Variants in RPS6KA6 observed in about 807,000 individuals in gnomAD.
RPS6KA6 encodes the protein ribosomal protein S6 kinase A6, also known as ribosomal protein S6 kinase alpha-6.
RPS6KA6 carries 27 observed loss-of-function variants against 65.4 expected under a neutral mutation model. The observed-to-expected ratio is 0.41, with a 90% CI of 0.30 to 0.57. The LOEUF is 0.57. RPS6KA6 is among the 20% of genes least tolerant of loss of function. The probability of loss-of-function intolerance (pLI) is 0.24; values close to 1 mark genes in which losing one functional copy is unlikely to be tolerated. For synonymous variants in RPS6KA6, 190 were observed against 184.2 expected (o/e 1.03, Z -0.26); for missense variants, 486 against 555.6 (o/e 0.87, Z 1.26).
In RPS6KA6 at chrX:84,089,802, C is replaced by T. The variant is rs149378490; in HGVS notation, c.1971+6392G>A. On this transcript the variant is annotated intron_variant, in intron 20 of 21. Coordinates refer to ENST00000262752, the MANE Select transcript of RPS6KA6 (RefSeq NM_014496.5). ...TGTCTGCCTAGTCAGTCCCAATACA[C>T]GAAACTGTATATTTCAGTTGAAGGT... is the stretch of plus-strand genomic sequence containing the variant. Among the ~76,000 whole-genome samples the T allele has an allele frequency of 1.4e-3, 158 of 111,674 alleles. 1 individual carries two copies. Among genetic ancestry groups the T allele is most frequent in the African/African-American group, 4.9e-3 (151 of 30,685 alleles).
At chrX:84,168,356 CAT>C (rs750201635) in intron 1 of RPS6KA6, among the ~76,000 whole-genome samples, 40 of 111,623 alleles carry the variant, frequency 3.6e-4, no homozygotes, top group African/African-American at 5.5e-4. Context: ...GACATTTCCA[CAT>C]GTTTATCTCA....
intron 20 of RPS6KA6, among the ~76,000 whole-genome samples, chrX:84,068,394 C>T (rs185691522): frequency 9.0e-6 from 1 of 111,703 alleles, no homozygotes; most frequent in Non-Finnish European, 1.9e-5. Context: ...TGCTAAAAAC[C>T]GCCATAAACT....
chrX:84,141,254 A>T (rs2035097180), intron 6 of RPS6KA6, among the ~76,000 whole-genome samples: 1 of 111,037 alleles, frequency 9.0e-6, no homozygotes, highest in Non-Finnish European at 1.9e-5. Context: ...TTTATTTACA[A>T]AGAAAAATAA....
At chrX:84,067,514 G>T (rs2033431494) in intron 20 of RPS6KA6, among the ~76,000 whole-genome samples, 1 of 111,637 alleles carries the variant, frequency 9.0e-6, no homozygotes, top group Non-Finnish European at 1.9e-5. Flanking sequence ...TCAAGTAGAA[G>T]AAATGATATC....
intron 8 of RPS6KA6, among the ~76,000 whole-genome samples, chrX:84,125,908 G>C (rs990301542): frequency 2.7e-5 from 3 of 110,837 alleles, no homozygotes; most frequent in African/African-American, 9.9e-5. Context: ...CAGCACCACA[G>C]AAAATCACCT....
Position 84,064,379 on chromosome X carries a change from A to G in RPS6KA6, c.2136T>C (p.Ser712=). Residue 712 remains serine (S), a synonymous_variant, in exon 22 of 22, where the codon TCT becomes TCC. Transcript: ENST00000262752. ...GTTGAAAGGTCTTGTGAGTCAGGGCAGAGTATGTTGCAACCATTGCTCCCT... is the reference window on the plus strand; with the variant it reads ...GTTGAAAGGTCTTGTGAGTCAGGGCGGAGTATGTTGCAACCATTGCTCCCT... ...VVKGAMVATY[S]ALTHKTFQPV... 6 of 1,205,007 alleles carry G rather than the reference A, an allele frequency of 5.0e-6. No individual in the cohort carries two copies. The highest frequency in any genetic ancestry group is 6.7e-6 in the Non-Finnish European group (6 of 892,700).
At chrX:84,081,701 A>G (rs888479224) in intron 20 of RPS6KA6, among the ~76,000 whole-genome samples, 2 of 111,953 alleles carry the variant, frequency 1.8e-5, no homozygotes, top group Non-Finnish European at 3.8e-5. Context: ...TCCTCAATAA[A>G]TACTGGCAAA....
intron 1 of RPS6KA6, among the ~76,000 whole-genome samples, chrX:84,173,500 AAAC>A (rs1201280051): frequency 3.6e-5 from 4 of 112,289 alleles, no homozygotes; most frequent in African/African-American, 1.3e-4. Context: ...TTTCTGATAA[AAAC>A]AATACAGAAA....
At chrX:84,117,918 T>A (rs1368741141) in intron 9 of RPS6KA6, among the ~76,000 whole-genome samples, 1 of 109,903 alleles carries the variant, frequency 9.1e-6, no homozygotes, top group African/African-American at 3.3e-5. Context: ...AAAAAAGAAG[T>A]AGAAGCAGCA....
chrX:84,132,544 TG>T (rs1443007054), intron 8 of RPS6KA6, among the ~76,000 whole-genome samples: 2 of 110,245 alleles, frequency 1.8e-5, no homozygotes, highest in African/African-American at 6.6e-5. Flanking sequence ...TGGGATATTA[TG>T]ATGAAATAAT....
chrX:84,088,927 GGTT>G (rs1381253206), intron 20 of RPS6KA6, among the ~76,000 whole-genome samples: 5 of 111,494 alleles, frequency 4.5e-5, no homozygotes, highest in Non-Finnish European at 9.4e-5. Context: ...AGCTGTGCTG[GGTT>G]GTGGGGGACT....
Position 84,152,631 on chromosome X carries a change from G to A in RPS6KA6, c.258+3444C>T, listed in dbSNP as rs183550841. ...TAGTTATTCAATCAACAAATTAACAGTCATTAAGCACATATTCTGTATCAG... is the reference window on the plus strand; with the variant it reads ...TAGTTATTCAATCAACAAATTAACAATCATTAAGCACATATTCTGTATCAG... On this transcript the variant is annotated intron_variant, in intron 3 of 21. Coordinates refer to ENST00000262752, the MANE Select transcript of RPS6KA6 (RefSeq NM_014496.5). 9.1e-4 allele frequency among the ~76,000 whole-genome samples: 102 copies of A among 111,556 alleles called. 1 individual carries two copies. The East Asian group carries it at 0.024, about 27-fold the overall frequency.
intron 8 of RPS6KA6, among the ~76,000 whole-genome samples, chrX:84,132,950 T>G (rs2034928995): frequency 9.1e-6 from 1 of 109,705 alleles, no homozygotes; most frequent in Non-Finnish European, 1.9e-5. Flanking sequence ...CCTGCAATTA[T>G]TTTTGGAAAA....
intron 2 of RPS6KA6, among the ~76,000 whole-genome samples, chrX:84,162,858 T>G (rs2035535001): frequency 8.9e-6 from 1 of 112,358 alleles, no homozygotes; most frequent in Non-Finnish European, 1.9e-5. Flanking sequence ...ATGGTTTTGA[T>G]AGTTTACATT....
chrX:84,173,070 T>C (rs1171534993), intron 1 of RPS6KA6, among the ~76,000 whole-genome samples: 1 of 110,858 alleles, frequency 9.0e-6, no homozygotes, highest in Non-Finnish European at 1.9e-5. Context: ...CTCAACACTT[T>C]TGAACTGTAT....
chrX:84,145,026 G>A (rs962449055), intron 6 of RPS6KA6, among the ~76,000 whole-genome samples: 20 of 110,833 alleles, frequency 1.8e-4, no homozygotes, highest in Non-Finnish European at 3.6e-4. Context: ...ATCACAAAGG[G>A]ACACAAGAAA....
intron 6 of RPS6KA6, among the ~76,000 whole-genome samples, chrX:84,143,473 A>C (rs1602454252): frequency 9.0e-6 from 1 of 111,440 alleles, no homozygotes; most frequent in African/African-American, 3.2e-5. Flanking sequence ...GGATTTACTT[A>C]GAGGTAAATC....
In RPS6KA6 at chrX:84,062,305, A is replaced by G. The variant is rs976223427; in HGVS notation, c.*1972T>C. 9.0e-6 allele frequency: 1 copy of G among 111,617 alleles called. No homozygotes were observed. The highest frequency in any genetic ancestry group is 1.9e-5 in the Non-Finnish European group (1 of 53,032). 9.2% of individuals were successfully genotyped at this position (111,617 alleles called of 1,213,427 possible). A position where few individuals can be genotyped will look rare whatever the true frequency, so the allele number is the denominator to read the frequency against. On this transcript the variant is annotated 3_prime_UTR_variant, in exon 22 of 22. Transcript: ENST00000262752. ...TTCTGATTTCACTTCCCCTAATTTTATTACTTAAAATGCATCCATGGAAAT... is the reference window on the plus strand; with the variant it reads ...TTCTGATTTCACTTCCCCTAATTTTGTTACTTAAAATGCATCCATGGAAAT...
intron 20 of RPS6KA6, among the ~76,000 whole-genome samples, chrX:84,067,209 T>C: frequency 8.9e-6 from 1 of 111,865 alleles, no homozygotes; most frequent in African/African-American, 3.2e-5. Context: ...AAAAATAGAA[T>C]GCCTATTTTC....
Sources: gnomAD v4.1 joint callset for allele counts (sites outside exome capture counted in the v4.1 genomes callset) on GRCh38, gnomAD v4.1.1 for gene constraint, MANE v1.5 for transcripts, NCBI Gene and HGNC (gene_info 2026-07-23, HGNC 2026-07-21) for gene names.